PCDHGA6: variants seen among roughly 807,000 people sequenced by gnomAD.
PCDHGA6 encodes protocadherin gamma-A6.
In PCDHGA6, 41 loss-of-function variants were observed where a neutral mutation model predicts 60.6. That is an observed-to-expected ratio of 0.68 (90% CI 0.53 to 0.88). The LOEUF (loss-of-function observed/expected upper bound fraction) is 0.88, where lower values mean the gene tolerates loss of function less well. Among genes scored for constraint, PCDHGA6 ranks in the 40% least tolerant of loss-of-function variants. The pLI, the probability that PCDHGA6 is intolerant of heterozygous loss-of-function variation, is 0.00. For missense variants in PCDHGA6, 1,312 were observed against 1,203.0 expected, an observed-to-expected ratio of 1.09 and a Z score of -1.34; for synonymous variants, 594 against 524.4, an observed-to-expected ratio of 1.13 and a Z score of -1.81.
At chr5:141,383,575 G>T in intron 1 of PCDHGA6, 1 of 1,613,234 alleles carries the variant, frequency 6.2e-7, no homozygotes, top group African/African-American at 1.3e-5. Flanking sequence ...ATCCAGCACC[G>T]CCCACATCCA....
chr5:141,487,670 T>A lies in PCDHGA6; in HGVS notation c.2425-7137T>A. The A allele has an allele frequency of 6.2e-7, 1 of 1,612,302 alleles. No homozygotes were observed. Among genetic ancestry groups the A allele is most frequent in the Non-Finnish European group, 8.5e-7 (1 of 1,179,082 alleles). ...TGAGGGTTATTCTGATCCAGGCATA[T>A]GGCTAGGCCATGTCCTAGAGAGTAC... On this transcript the variant is annotated intron_variant, in intron 1 of 3. Transcript: ENST00000517434. This position sits in a 1 kb window ranked among gnomAD's most constrained non-coding sequence, Gnocchi z 5.0.
At chr5:141,453,430 C>A (rs1043851647) in intron 1 of PCDHGA6, among the ~76,000 whole-genome samples, 1 of 152,018 alleles carries the variant, frequency 6.6e-6, no homozygotes, top group Non-Finnish European at 1.5e-5. Flanking sequence ...CCACACCTAG[C>A]CTAGTATTCT....
intron 1 of PCDHGA6, chr5:141,403,657 A>G (rs753978186): frequency 2.5e-6 from 4 of 1,613,924 alleles, no homozygotes; most frequent in East Asian, 2.2e-5. Context: ...TGTTGGATAC[A>G]AATGATAATG....
intron 1 of PCDHGA6, chr5:141,388,297 T>C (rs2091308790): frequency 1.9e-6 from 3 of 1,613,660 alleles, no homozygotes; most frequent in African/African-American, 2.7e-5. Flanking sequence ...CAAAATTCCT[T>C]TGAGCTGCAA....
At chr5:141,426,581 CCT>C (rs898552856) in intron 1 of PCDHGA6, 1 of 358,350 alleles carries the variant, frequency 2.8e-6, no homozygotes, top group Non-Finnish European at 5.6e-6. Flanking sequence ...TCTTCAAAAT[CCT>C]CTGTGTCATA....
At chr5:141,460,977 G>A in intron 1 of PCDHGA6, among the ~76,000 whole-genome samples, 1 of 131,518 alleles carries the variant, frequency 7.6e-6, no homozygotes, top group African/African-American at 3.4e-5. Context: ...GTGTGTGTGT[G>A]TGTGTGTATA....
intron 1 of PCDHGA6, chr5:141,389,822 C>T (rs1253797821): frequency 1.2e-6 from 2 of 1,613,932 alleles, no homozygotes; most frequent in Non-Finnish European, 1.7e-6. Flanking sequence ...CCGTGCGTGA[C>T]GGTGGACAGC....
rs757707945 is a variant in PCDHGA6 at position 141,399,045 on chromosome 5, A to C, written c.2424+22538A>C. On this transcript the variant is annotated intron_variant, in intron 1 of 3. Coordinates refer to ENST00000517434, the MANE Select transcript of PCDHGA6 (RefSeq NM_018919.3). ...CCACTCAAAAGAAACTGGATTTTGAAGAGACCAAGGAATATTCAATGGTTG... is the reference window on the plus strand; with the variant it reads ...CCACTCAAAAGAAACTGGATTTTGACGAGACCAAGGAATATTCAATGGTTG... The C allele has an allele frequency of 3.1e-6, 5 of 1,613,878 alleles. No individual in the cohort carries two copies. The Admixed American group carries it at 5.0e-5, about 16-fold the overall frequency.
Position 141,490,157 on chromosome 5 carries a change from G to T in PCDHGA6, c.2425-4650G>T. 1 of 1,614,210 alleles carries T rather than the reference G, an allele frequency of 6.2e-7. No homozygotes were observed. The highest frequency in any genetic ancestry group is 8.5e-7 in the Non-Finnish European group (1 of 1,180,038). On this transcript the variant is annotated intron_variant, in intron 1 of 3. Transcript: ENST00000517434. This position sits in a 1 kb window ranked among gnomAD's most constrained non-coding sequence, Gnocchi z 5.4. ...AGCAGTGGGGCAATCCATGTGTTGGGTCCCATAGACTTTGAGGAGTCACGT... is the reference window on the plus strand; with the variant it reads ...AGCAGTGGGGCAATCCATGTGTTGGTTCCCATAGACTTTGAGGAGTCACGT...
In PCDHGA6 at chr5:141,489,993, C is replaced by T. The variant is rs1413894892; in HGVS notation, c.2425-4814C>T. 18 of 1,614,186 alleles carry T rather than the reference C, an allele frequency of 1.1e-5. No individual in the cohort carries two copies. The highest frequency in any genetic ancestry group is 1.5e-5 in the Non-Finnish European group (18 of 1,179,990). On this transcript the variant is annotated intron_variant, in intron 1 of 3. Transcript: ENST00000517434. The surrounding 1 kb of genome is among the most constrained non-coding windows in gnomAD (Gnocchi z 4.5). ...AATCCTCAGTTCTACGTGTGGGAAT[C>T]CCAGAGAATGCACCCATTGGTACTC...
intron 1 of PCDHGA6, among the ~76,000 whole-genome samples, chr5:141,480,874 G>A (rs1487409799): frequency 2.6e-5 from 4 of 151,950 alleles, no homozygotes; most frequent in African/African-American, 7.3e-5. Context: ...GTGAAACCCC[G>A]TCTCTACTAA....
intron 1 of PCDHGA6, chr5:141,400,023 C>T (rs755667675): frequency 1.1e-5 from 18 of 1,612,872 alleles, no homozygotes; most frequent in Non-Finnish European, 1.3e-5. Context: ...GCGACAGGGA[C>T]GCGGCCCGCC....
chr5:141,490,065 C>A lies in PCDHGA6; in HGVS notation c.2425-4742C>A, dbSNP rs1161257597. ...CTGATCCAGACGAGGGCACCAACGG[C>A]CAACTAGACTATTCTTTTGGAGACC... On this transcript the variant is annotated intron_variant, in intron 1 of 3. Coordinates refer to ENST00000517434, the MANE Select transcript of PCDHGA6 (RefSeq NM_018919.3). This position sits in a 1 kb window ranked among gnomAD's most constrained non-coding sequence, Gnocchi z 5.4. 1 of 1,614,258 alleles carries A rather than the reference C, an allele frequency of 6.2e-7. No individual in the cohort carries two copies. Among genetic ancestry groups the A allele is most frequent in the South Asian group, 1.1e-5 (1 of 91,090 alleles).
rs150692324 is a variant in PCDHGA6 at position 141,431,149 on chromosome 5, G to T, written c.2424+54642G>T. 1.2e-6 allele frequency: 2 copies of T among 1,614,210 alleles called. No homozygotes were observed. Among genetic ancestry groups the T allele is most frequent in the Non-Finnish European group, 1.7e-6 (2 of 1,180,020 alleles). ...AAGTAAGGGACATTAACGACAATGC[G>T]CCTTACTTTCGTGAAAGTGAATTAG... On this transcript the variant is annotated intron_variant, in intron 1 of 3. Coordinates refer to ENST00000517434, the MANE Select transcript of PCDHGA6 (RefSeq NM_018919.3). This position sits in a 1 kb window ranked among gnomAD's most constrained non-coding sequence, Gnocchi z 4.8.
At chr5:141,496,759 C>T (rs1287940646) in intron 2 of PCDHGA6, among the ~76,000 whole-genome samples, 2 of 152,038 alleles carry the variant, frequency 1.3e-5, no homozygotes, top group South Asian at 4.2e-4. Context: ...AAATATTTAT[C>T]GAGCATCTAC....
Position 141,431,877 on chromosome 5 carries a change from AC to A in PCDHGA6, c.2424+55372del. 1 of 1,614,230 alleles carries A rather than the reference AC, an allele frequency of 6.2e-7. No individual in the cohort carries two copies. The highest frequency in any genetic ancestry group is 1.3e-5 in the African/African-American group (1 of 75,070). ...TTAATTGCCCTTTTAAATGTAAATGACCAAGATTCTGAGGAAAACGGACAGG... is the reference window on the plus strand; with the variant it reads ...TTAATTGCCCTTTTAAATGTAAATGACAAGATTCTGAGGAAAACGGACAGG... On this transcript the variant is annotated intron_variant, in intron 1 of 3. Coordinates refer to ENST00000517434, the MANE Select transcript of PCDHGA6 (RefSeq NM_018919.3). The surrounding 1 kb of genome is among the most constrained non-coding windows in gnomAD (Gnocchi z 4.8).
intron 1 of PCDHGA6, chr5:141,413,154 A>G: frequency 6.3e-7 from 1 of 1,576,026 alleles, no homozygotes; most frequent in Middle Eastern, 1.7e-4. Context: ...AGGACTTTGC[A>G]GAATTCTGTA....
intron 1 of PCDHGA6, chr5:141,419,381 A>T (rs1170271990): frequency 6.2e-7 from 1 of 1,613,544 alleles, no homozygotes; most frequent in Admixed American, 1.7e-5. Flanking sequence ...CGTGTCCGTG[A>T]GCGCGCAGAG....
chr5:141,403,974 A>G (rs1351754228), intron 1 of PCDHGA6: 1 of 1,613,872 alleles, frequency 6.2e-7, no homozygotes, highest in African/African-American at 1.3e-5. Flanking sequence ...GAAGATGTAA[A>G]TGACAATAGA....
Sources: allele counts gnomAD v4.1 joint callset (sites outside exome capture counted in the v4.1 genomes callset), GRCh38; gene constraint gnomAD v4.1.1; non-coding constraint Gnocchi (gnomAD v3.1); transcripts MANE v1.5; gene names NCBI Gene and HGNC (gene_info 2026-07-23, HGNC 2026-07-21).